The following ITGA8 variants were observed in gnomAD, a reference collection of about 807,000 sequenced individuals.
ITGA8 encodes the protein integrin subunit alpha 8, also known as integrin alpha-8.
ITGA8 carries 91 observed loss-of-function variants against 142.3 expected under a neutral mutation model. The ratio of observed to expected loss-of-function variants is 0.64; its 90% CI spans 0.54 to 0.76. The LOEUF (loss-of-function observed/expected upper bound fraction) is 0.76, where lower values mean the gene tolerates loss of function less well. ITGA8 is among the 30% of genes least tolerant of loss of function. The pLI, the probability that ITGA8 is intolerant of heterozygous loss-of-function variation, is 0.00. For synonymous variants in ITGA8, 505 were observed against 485.2 expected (o/e 1.04, Z -0.54); for missense variants, 1,406 against 1,327.7 (o/e 1.06, Z -0.92).
At chr10:15,643,941 G>T (rs1287555101) in intron 13 of ITGA8, 89 bp downstream of exon 13, 20 of 1,203,726 alleles carry the variant, frequency 1.7e-5, no homozygotes, top group Admixed American at 5.0e-5. Flanking sequence ...ATCTGTAGAA[G>T]AAAACTGCCT....
At chr10:15,714,774 A>G (rs1835420959) in intron 2 of ITGA8, among the ~76,000 whole-genome samples, 1 of 152,202 alleles carries the variant, frequency 6.6e-6, no homozygotes, top group Non-Finnish European at 1.5e-5. Flanking sequence ...CAGGATCTCA[A>G]CTGGACTCTG....
At chr10:15,581,902 G>T (rs182127488) in intron 23 of ITGA8, among the ~76,000 whole-genome samples, 24 of 152,138 alleles carry the variant, frequency 1.6e-4, no homozygotes, top group African/African-American at 5.8e-4. Flanking sequence ...GTAATTCAGT[G>T]GGGGGAAAAA....
chr10:15,587,241 T>C (rs944818557), intron 22 of ITGA8, among the ~76,000 whole-genome samples: 1 of 152,206 alleles, frequency 6.6e-6, no homozygotes, highest in African/African-American at 2.4e-5. Flanking sequence ...CTTTTTTAAA[T>C]GGCTAAACCA....
At chr10:15,573,507 C>G (rs746430542) in intron 24 of ITGA8, among the ~76,000 whole-genome samples, 3 of 150,672 alleles carry the variant, frequency 2.0e-5, no homozygotes. Context: ...TAAGGCAAAG[C>G]TTTGATCCAG....
chr10:15,642,704 A>G (rs1407930625), intron 13 of ITGA8, among the ~76,000 whole-genome samples: 1 of 152,186 alleles, frequency 6.6e-6, no homozygotes, highest in African/African-American at 2.4e-5. Context: ...ATAATACCAA[A>G]TCCACTTTGA....
At chr10:15,561,047 CTGCACCTGCTGAA>C (rs1467158034) in intron 25 of ITGA8, among the ~76,000 whole-genome samples, 1 of 151,740 alleles carries the variant, frequency 6.6e-6, no homozygotes, top group Non-Finnish European at 1.5e-5. Context: ...GCACATCCTG[CTGCACCTGCTGAA>C]TTTCATTTTT....
chr10:15,637,442 T>C (rs1460007687), intron 13 of ITGA8, among the ~76,000 whole-genome samples: 3 of 152,108 alleles, frequency 2.0e-5, no homozygotes, highest in Admixed American at 2.0e-4. Flanking sequence ...TTAATAGTAT[T>C]CAATGGGAAT....
intron 9 of ITGA8, 147 bp downstream of exon 9, chr10:15,660,732 C>G (rs560718922): frequency 1.1e-5 from 7 of 664,968 alleles, no homozygotes; most frequent in South Asian, 9.3e-5. Context: ...GTTAGGTAAG[C>G]TATGATGTTC....
chr10:15,613,898 A>T (rs1182192424), intron 14 of ITGA8, 131 bp from the exon 15 acceptor site: 6 of 630,920 alleles, frequency 9.5e-6, no homozygotes, highest in Admixed American at 8.6e-5. Flanking sequence ...CGTTCTCAGC[A>T]TTTGTGCCAA....
At chr10:15,541,084 G>T (rs1272694016) in intron 27 of ITGA8, among the ~76,000 whole-genome samples, 4 of 152,206 alleles carry the variant, frequency 2.6e-5, no homozygotes, top group Non-Finnish European at 5.9e-5. Flanking sequence ...TATAAAGAGA[G>T]TTGCCAAGAG....
At chr10:15,609,069 G>C (rs774888710) in intron 15 of ITGA8, among the ~76,000 whole-genome samples, 1 of 152,042 alleles carries the variant, frequency 6.6e-6, no homozygotes, top group Middle Eastern at 3.2e-3. Flanking sequence ...GTTGTGCCTT[G>C]AACACACCAT....
In ITGA8 at chr10:15,672,725, GCAACACTGGCAGTGAT is replaced by G; in HGVS notation, c.685_700del (p.Ile229GlnfsTer73). ...GAATGAGTAATTTGCAATGATATCT[GCAACACTGGCAGTGAT>G]CACTTGTCCTGTGTTTAAACAAATT... On this transcript the variant is annotated frameshift_variant, in exon 7 of 30. Transcript: ENST00000378076. LOFTEE classifies it high-confidence loss of function. 1 of 1,612,144 alleles carries G rather than the reference GCAACACTGGCAGTGAT, an allele frequency of 6.2e-7. No homozygotes were observed. The highest frequency in any genetic ancestry group is 8.5e-7 in the Non-Finnish European group (1 of 1,179,220).
intron 14 of ITGA8, 61 bp downstream of exon 14, chr10:15,616,453 A>G (rs1833392964): frequency 1.3e-5 from 16 of 1,243,024 alleles, no homozygotes; most frequent in Non-Finnish European, 1.9e-5. Flanking sequence ...TTAAGGCAGA[A>G]CTAACAAGAA....
chr10:15,672,560 TG>T, intron 7 of ITGA8, 63 bp downstream of exon 7: 2 of 1,532,346 alleles, frequency 1.3e-6, no homozygotes, highest in Non-Finnish European at 1.8e-6. Context: ...GGATAAAACT[TG>T]CATCTACATT....
intron 2 of ITGA8, among the ~76,000 whole-genome samples, chr10:15,714,616 C>T (rs1446997172): frequency 6.6e-6 from 1 of 152,056 alleles, no homozygotes; most frequent in East Asian, 1.9e-4. Flanking sequence ...TGCAAGCTTC[C>T]TCTATTTTTG....
rs11259721 is a variant in ITGA8, at chr10:15,517,002, A to G, written c.*156T>C. 5.3e-4 allele frequency: 263 copies of G among 498,172 alleles called. 1 individual carries two copies. In the East Asian group the frequency reaches 8.2e-3, roughly 16 times the overall value. The allele number at this position is 498,172 out of a possible 1,614,324, so 30.9% of individuals were successfully genotyped here. ...ACTGGGCACCCAGGACAATTTCTCCAAAGTGCGGTGTAGATGAGGTGATGT... is the reference window on the plus strand; with the variant it reads ...ACTGGGCACCCAGGACAATTTCTCCGAAGTGCGGTGTAGATGAGGTGATGT... On this transcript the variant is annotated 3_prime_UTR_variant, in exon 30 of 30. Transcript: ENST00000378076.
At chr10:15,688,190 C>G (rs1834867613) in intron 2 of ITGA8, 152 bp from the exon 3 acceptor site, 1 of 596,124 alleles carries the variant, frequency 1.7e-6, no homozygotes, top group African/African-American at 1.9e-5. Context: ...TATGGTGGCT[C>G]ATGCCTGTAA....
Position 15,686,372 on chromosome 10 carries a change from G to A in ITGA8, c.444+1566C>T, listed in dbSNP as rs9333086. ...TAAATTCAGCATAAGGTGCAGATGC[G>A]AAAGCACAGGGAAGTCTACATCATG... On this transcript the variant is annotated intron_variant, in intron 3 of 29. Coordinates refer to ENST00000378076, the MANE Select transcript of ITGA8 (RefSeq NM_003638.3). Among the ~76,000 whole-genome samples the A allele has an allele frequency of 2.8e-3, 425 of 152,262 alleles. 3 individuals are homozygous for A. The highest frequency in any genetic ancestry group is 9.7e-3 in the African/African-American group (403 of 41,580).
At chr10:15,593,274 A>G (rs1832955881) in intron 21 of ITGA8, among the ~76,000 whole-genome samples, 1 of 152,232 alleles carries the variant, frequency 6.6e-6, no homozygotes, top group East Asian at 1.9e-4. Flanking sequence ...AAATTCAATG[A>G]TGATATAAAT....
Sources: gnomAD v4.1 joint callset for allele counts (sites outside exome capture counted in the v4.1 genomes callset) on GRCh38, gnomAD v4.1.1 for gene constraint, MANE v1.5 for transcripts, NCBI Gene and HGNC (gene_info 2026-07-23, HGNC 2026-07-21) for gene names.